The following PARD6B variants were observed in gnomAD, a reference collection of about 807,000 sequenced individuals.
PARD6B encodes par-6 family cell polarity regulator beta, also known as partitioning defective 6 homolog beta.
In PARD6B, 4 loss-of-function variants were observed where a neutral mutation model predicts 10.5. That is an observed-to-expected ratio of 0.38 (90% CI 0.19 to 0.87). The LOEUF (loss-of-function observed/expected upper bound fraction) is 0.87, where lower values mean the gene tolerates loss of function less well. Among genes scored for constraint, PARD6B ranks in the 40% least tolerant of loss-of-function variants. The pLI, the probability that PARD6B is intolerant of heterozygous loss-of-function variation, is 0.41. For synonymous variants in PARD6B, 169 were observed against 170.4 expected, an observed-to-expected ratio of 0.99 and a Z score of 0.07; for missense variants, 396 against 470.6, an observed-to-expected ratio of 0.84 and a Z score of 1.47.
rs990208270 is a variant in PARD6B, at chr20:50,751,548, G to T, written c.*1060G>T. The T allele has an allele frequency of 2.3e-6, 2 of 886,496 alleles. No homozygotes were observed. Among genetic ancestry groups the T allele is most frequent in the African/African-American group, 1.8e-5 (1 of 54,728 alleles). 54.9% of individuals were successfully genotyped at this position (886,496 alleles called of 1,614,324 possible). ...TTTTTAGTAGAGACGGGGTTTCGCA[G>T]TGTTAGCCAGGAAGGTCTCAATCTC... On this transcript the variant is annotated 3_prime_UTR_variant, in exon 3 of 3. Transcript: ENST00000371610.
At position 50,752,600 on chromosome 20, in the gene PARD6B, T is replaced by C; in HGVS notation, c.*2112T>C. 2.0e-6 allele frequency: 2 copies of C among 982,096 alleles called. No individual in the cohort carries two copies. Among genetic ancestry groups the C allele is most frequent in the Non-Finnish European group, 1.2e-6 (1 of 826,534 alleles). The allele number at this position is 982,096 out of a possible 1,614,324, so 60.8% of individuals were successfully genotyped here. On this transcript the variant is annotated 3_prime_UTR_variant, in exon 3 of 3. Coordinates refer to ENST00000371610, the MANE Select transcript of PARD6B (RefSeq NM_032521.3). ...CTAAAAATACTATGAAGTACATAAG[T>C]TCCCTATGGCTTATGGAGAGTTATT...
At position 50,751,959 on chromosome 20, in the gene PARD6B, C is replaced by T; in HGVS notation, c.*1471C>T. The T allele has an allele frequency of 1.0e-6, 1 of 983,746 alleles. No individual in the cohort carries two copies. Among genetic ancestry groups the T allele is most frequent in the African/African-American group, 1.7e-5 (1 of 57,280 alleles). The allele number at this position is 983,746 out of a possible 1,614,324, so 60.9% of individuals were successfully genotyped here. On this transcript the variant is annotated 3_prime_UTR_variant, in exon 3 of 3. Transcript: ENST00000371610. ...CCTCAAGTGATCCGCCCATCTCCTC[C>T]CAAAGTGCTGGATTGCAGGCATGAG... is the stretch of plus-strand genomic sequence containing the variant.
At chr20:50,745,167 C>A (rs569004962) in intron 2 of PARD6B, among the ~76,000 whole-genome samples, 1 of 152,162 alleles carries the variant, frequency 6.6e-6, no homozygotes, top group Non-Finnish European at 1.5e-5. Flanking sequence ...CAGTGGCTCA[C>A]GCCTGTAATC....
At position 50,738,065 on chromosome 20, in the gene PARD6B, T is replaced by TA; in HGVS notation, c.275_276insA (p.Phe92LeufsTer32). ...ACGGCCAATCCACTGCTTAGGATAT[T>TA]TATACAAAAGAAGGGTAAGTATCAC... On this transcript the variant is annotated frameshift_variant, in exon 2 of 3. Transcript: ENST00000371610. LOFTEE classifies it low-confidence loss of function (END_TRUNC). 1 of 1,599,676 alleles carries TA rather than the reference T, an allele frequency of 6.3e-7. No homozygotes were observed. The highest frequency in any genetic ancestry group is 8.5e-7 in the Non-Finnish European group (1 of 1,173,370).
In PARD6B at chr20:50,750,085, G is replaced by A; in HGVS notation, c.716G>A (p.Ser239Asn). 6.2e-7 allele frequency: 1 copy of A among 1,614,204 alleles called. No homozygotes were observed. The highest frequency in any genetic ancestry group is 2.2e-5 in the East Asian group (1 of 44,888). ...GTAACAGACATGATGATTGCAAATAGCCGTAACCTCATCATAACAGTGAGA... is the reference window on the plus strand; with the variant it reads ...GTAACAGACATGATGATTGCAAATAACCGTAACCTCATCATAACAGTGAGA... ...DQVTDMMIAN[S>N]RNLIITVRPA... is the part of the protein sequence containing the mutation. Residue 239 changes from serine to asparagine, a missense_variant, in exon 3 of 3, where the codon AGC (serine) becomes AAC (asparagine). This residue lies in a region of PARD6B where 188 missense variants were observed against 169.7 expected (regional missense o/e 1.11). Transcript: ENST00000371610.
chr20:50,742,427 G>A (rs751960842), intron 2 of PARD6B, among the ~76,000 whole-genome samples: 17 of 151,562 alleles, frequency 1.1e-4, no homozygotes, highest in Non-Finnish European at 2.1e-4. Flanking sequence ...GTGCAGTGGT[G>A]TGATCTCGGC....
chr20:50,745,742 A>G (rs2087564339), intron 2 of PARD6B, among the ~76,000 whole-genome samples: 1 of 152,140 alleles, frequency 6.6e-6, no homozygotes, highest in Admixed American at 6.6e-5. Flanking sequence ...ACTAAGCTGA[A>G]GCAGTCCTCT....
chr20:50,738,944 G>A (rs2123701179), intron 2 of PARD6B, among the ~76,000 whole-genome samples: 1 of 151,250 alleles, frequency 6.6e-6, no homozygotes, highest in African/African-American at 2.4e-5. Context: ...TGTATTTTGA[G>A]TCCTAAAACT....
rs934773735 is a variant in PARD6B, at chr20:50,751,718, G to A, written c.*1230G>A. On this transcript the variant is annotated 3_prime_UTR_variant, in exon 3 of 3. Coordinates refer to ENST00000371610, the MANE Select transcript of PARD6B (RefSeq NM_032521.3). Reference sequence around the variant, plus strand: ...GTTACTTCCCATGTTATAAAGCTGAGGAAGCTTTTTTTTTTTTTTTTTGAG... The same window carrying A: ...GTTACTTCCCATGTTATAAAGCTGAAGAAGCTTTTTTTTTTTTTTTTTGAG... 21 of 959,960 alleles carry A rather than the reference G, an allele frequency of 2.2e-5. No individual in the cohort carries two copies. The East Asian group carries it at 1.1e-3, about 49-fold the overall frequency. 59.5% of individuals were successfully genotyped at this position (959,960 alleles called of 1,614,324 possible). A position where few individuals can be genotyped will look rare whatever the true frequency, so the allele number is the denominator to read the frequency against.
Position 50,753,410 on chromosome 20 carries a change from C to T in PARD6B, c.*2922C>T. 1 of 983,544 alleles carries T rather than the reference C, an allele frequency of 1.0e-6. No individual in the cohort carries two copies. The highest frequency in any genetic ancestry group is 1.2e-6 in the Non-Finnish European group (1 of 827,898). 60.9% of individuals were successfully genotyped at this position (983,544 alleles called of 1,614,324 possible). On this transcript the variant is annotated 3_prime_UTR_variant, in exon 3 of 3. Transcript: ENST00000371610. ...AAGTGCACCTTATTAACAAAAGTATCAGTGGATCCAACATAAAATTTTATA... is the reference window on the plus strand; with the variant it reads ...AAGTGCACCTTATTAACAAAAGTATTAGTGGATCCAACATAAAATTTTATA...
At chr20:50,749,200 AG>A (rs373760806) in intron 2 of PARD6B, among the ~76,000 whole-genome samples, 99 of 152,230 alleles carry the variant, frequency 6.5e-4, no homozygotes, top group African/African-American at 2.3e-3. Context: ...AAAGTTAGCC[AG>A]GCCTGGTGGC....
chr20:50,737,698 T>A (rs1375006927), intron 1 of PARD6B, among the ~76,000 whole-genome samples, 159 bp from the exon 2 acceptor site: 3 of 152,190 alleles, frequency 2.0e-5, no homozygotes, highest in Non-Finnish European at 4.4e-5. Context: ...TTTCTTAGGC[T>A]TTTTAAAATC....
chr20:50,734,675 T>C (rs1478565218), intron 1 of PARD6B, among the ~76,000 whole-genome samples: 2 of 152,044 alleles, frequency 1.3e-5, no homozygotes, highest in East Asian at 1.9e-4. Context: ...ATTTTTCTCT[T>C]ACTATTTTCA....
At chr20:50,742,139 G>A (rs1017024292) in intron 2 of PARD6B, among the ~76,000 whole-genome samples, 5 of 152,124 alleles carry the variant, frequency 3.3e-5, no homozygotes, top group South Asian at 2.1e-4. Flanking sequence ...TGCAACCTCC[G>A]CCTCCCAGGT....
chr20:50,737,259 T>C (rs757010270), intron 1 of PARD6B, among the ~76,000 whole-genome samples: 6 of 152,228 alleles, frequency 3.9e-5, no homozygotes, highest in Admixed American at 2.0e-4. Context: ...GCCAAACACA[T>C]AAACACTTTG....
At chr20:50,738,490 A>G (rs2087512052) in intron 2 of PARD6B, among the ~76,000 whole-genome samples, 1 of 152,250 alleles carries the variant, frequency 6.6e-6, no homozygotes, top group Non-Finnish European at 1.5e-5. Flanking sequence ...CAAAGGCTGT[A>G]TTTACCAGTT....
intron 2 of PARD6B, among the ~76,000 whole-genome samples, chr20:50,749,342 CA>C (rs11086316): frequency 0.67 from 97,696 of 145,662 alleles, 32,566 homozygotes; most frequent in East Asian, 0.77. Flanking sequence ...GACTCCATCT[CA>C]AAAAAAAAAA....
At chr20:50,749,474 A>G (rs2087587653) in intron 2 of PARD6B, among the ~76,000 whole-genome samples, 185 bp from the exon 3 acceptor site, 1 of 152,158 alleles carries the variant, frequency 6.6e-6, no homozygotes, top group Non-Finnish European at 1.5e-5. Context: ...ATGGCCACCT[A>G]GTGGTTTTTT....
In PARD6B at chr20:50,751,980, A is replaced by T. The variant is rs1345050969; in HGVS notation, c.*1492A>T. The T allele has an allele frequency of 2.6e-5, 26 of 985,292 alleles. No individual in the cohort carries two copies. Among genetic ancestry groups the T allele is most frequent in the Middle Eastern group, 5.2e-4 (1 of 1,936 alleles). The allele number at this position is 985,292 out of a possible 1,614,324, so 61.0% of individuals were successfully genotyped here. ...CCTCCCAAAGTGCTGGATTGCAGGC[A>T]TGAGCGCCTAGCCAGGAAGCTATCT... On this transcript the variant is annotated 3_prime_UTR_variant, in exon 3 of 3. Coordinates refer to ENST00000371610, the MANE Select transcript of PARD6B (RefSeq NM_032521.3).
Sources: gnomAD v4.1 joint callset for allele counts (sites outside exome capture counted in the v4.1 genomes callset) on GRCh38, gnomAD v4.1.1 for gene constraint, gnomAD v4.1.1 regional missense constraint, MANE v1.5 for transcripts, NCBI Gene and HGNC (gene_info 2026-07-23, HGNC 2026-07-21) for gene names.